The following ANKRD13C variants were observed in gnomAD, a reference collection of about 807,000 sequenced individuals.
ANKRD13C encodes the protein ankyrin repeat domain-containing protein 13C.
Under a neutral mutation model 65.5 loss-of-function variants are expected in ANKRD13C, and 16 were observed. That is an observed-to-expected ratio of 0.24 (90% CI 0.17 to 0.37). The LOEUF is 0.37. Among genes scored for constraint, ANKRD13C ranks in the 10% least tolerant of loss-of-function variants. The pLI, the probability that ANKRD13C is intolerant of heterozygous loss-of-function variation, is 1.00. For synonymous variants in ANKRD13C, 235 were observed against 238.7 expected, an observed-to-expected ratio of 0.98 and a Z score of 0.14; for missense variants, 503 against 655.9, an observed-to-expected ratio of 0.77 and a Z score of 2.55.
At chr1:70,339,812 TTTA>T (rs146940723) in intron 1 of ANKRD13C, among the ~76,000 whole-genome samples, 38,074 of 133,304 alleles carry the variant, frequency 0.29, 5,476 homozygotes, top group Non-Finnish European at 0.3. Context: ...GATCAGTACG[TTTA>T]TTATTATTAT....
chr1:70,285,704 C>T (rs1358637129), intron 9 of ANKRD13C, among the ~76,000 whole-genome samples: 6 of 148,838 alleles, frequency 4.0e-5, no homozygotes, highest in Admixed American at 6.7e-5. Context: ...GATCTCAGCT[C>T]ACTGCAACCT....
At position 70,354,483 on chromosome 1, in the gene ANKRD13C, G is replaced by A. The variant is rs1329715388; in HGVS notation, c.-75C>T. On this transcript the variant is annotated 5_prime_UTR_variant, in exon 1 of 13. Coordinates refer to ENST00000370944, the MANE Select transcript of ANKRD13C (RefSeq NM_030816.5). ...CGGAGCTGGCGCTGCGGCGGCACAA[G>A]GCGATTAGAGCGGTGGCCAAGAGCC... The A allele has an allele frequency of 4.6e-6, 7 of 1,510,252 alleles. No individual in the cohort carries two copies. Among genetic ancestry groups the A allele is most frequent in the Non-Finnish European group, 6.2e-6 (7 of 1,132,302 alleles). 93.6% of individuals were successfully genotyped at this position (1,510,252 alleles called of 1,614,324 possible). A position where few individuals can be genotyped will look rare whatever the true frequency, so the allele number is the denominator to read the frequency against.
At chr1:70,350,573 G>A (rs1386168225) in intron 1 of ANKRD13C, among the ~76,000 whole-genome samples, 1 of 152,150 alleles carries the variant, frequency 6.6e-6, no homozygotes, top group Non-Finnish European at 1.5e-5. Context: ...AAAAACCTGA[G>A]CTGTCCAATG....
rs1365495830 is a variant in ANKRD13C at position 70,300,917 on chromosome 1, C to A, written c.777-9G>T. 1 of 1,603,178 alleles carries A rather than the reference C, an allele frequency of 6.2e-7. No homozygotes were observed. Among genetic ancestry groups the A allele is most frequent in the East Asian group, 2.2e-5 (1 of 44,582 alleles). On this transcript the variant is annotated splice_polypyrimidine_tract_variant and intron_variant, in intron 6 of 12. Transcript: ENST00000370944. The stretch of plus-strand genomic sequence containing the variant: ...TGAGAGTTGTGTCAAGCCTGTGAAA[C>A]ATGGGTAGATGATAAACTCTGACAA...
intron 8 of ANKRD13C, 84 bp downstream of exon 8, chr1:70,296,046 A>T: frequency 6.7e-7 from 1 of 1,492,020 alleles, no homozygotes; most frequent in Non-Finnish European, 9.0e-7. Context: ...TCTGTAAGCT[A>T]CTTCTTGCAT....
chr1:70,315,706 T>C, intron 3 of ANKRD13C, 140 bp from the exon 4 acceptor site: 6 of 554,420 alleles, frequency 1.1e-5, no homozygotes, highest in African/African-American at 1.9e-5. Context: ...TATGTGTGTA[T>C]CTACATCTAC....
chr1:70,262,265 T>C lies in ANKRD13C; in HGVS notation c.*452A>G, dbSNP rs1304050298. ...AAAACAAAGCTCGAAGGAATATTTA[T>C]AAATGTCACCTTGCATAAAGATGAC... On this transcript the variant is annotated 3_prime_UTR_variant, in exon 13 of 13. Transcript: ENST00000370944. 6.5e-6 allele frequency: 1 copy of C among 152,710 alleles called. No individual in the cohort carries two copies. Among genetic ancestry groups the C allele is most frequent in the African/African-American group, 2.4e-5 (1 of 41,454 alleles). The allele number at this position is 152,710 out of a possible 1,614,324, so 9.5% of individuals were successfully genotyped here.
At chr1:70,295,259 A>G (rs1558279310) in intron 8 of ANKRD13C, among the ~76,000 whole-genome samples, 1 of 151,004 alleles carries the variant, frequency 6.6e-6, no homozygotes, top group Non-Finnish European at 1.5e-5. Context: ...TTATTTATTT[A>G]TTTTTTTTGA....
chr1:70,315,029 A>G (rs1372305376), intron 4 of ANKRD13C, among the ~76,000 whole-genome samples: 4 of 152,202 alleles, frequency 2.6e-5, no homozygotes, highest in African/African-American at 9.6e-5. Context: ...GCTTGAGCTC[A>G]GGAGTTTGAT....
At chr1:70,301,911 T>C (rs1680373124) in intron 6 of ANKRD13C, among the ~76,000 whole-genome samples, 1 of 152,156 alleles carries the variant, frequency 6.6e-6, no homozygotes, top group Non-Finnish European at 1.5e-5. Flanking sequence ...AAGAAACTGG[T>C]TGGCCCTGCT....
At chr1:70,297,981 C>T (rs1010510798) in intron 7 of ANKRD13C, among the ~76,000 whole-genome samples, 1 of 150,864 alleles carries the variant, frequency 6.6e-6, no homozygotes, top group African/African-American at 2.4e-5. Context: ...TGGGACAGTA[C>T]CATTTCCTCT....
At chr1:70,290,210 G>A (rs1164157735) in intron 9 of ANKRD13C, among the ~76,000 whole-genome samples, 1 of 151,972 alleles carries the variant, frequency 6.6e-6, no homozygotes. Flanking sequence ...CTCAATATAT[G>A]ATCTTTCTAA....
At chr1:70,272,299 C>T (rs1423733974) in intron 11 of ANKRD13C, among the ~76,000 whole-genome samples, 1 of 151,274 alleles carries the variant, frequency 6.6e-6, no homozygotes, top group Admixed American at 6.6e-5. Flanking sequence ...GATGTCGGCT[C>T]AACGCAAACT....
chr1:70,322,056 T>C (rs573324224), intron 3 of ANKRD13C, among the ~76,000 whole-genome samples: 18 of 152,306 alleles, frequency 1.2e-4, no homozygotes, highest in Non-Finnish European at 2.6e-4. Flanking sequence ...GGCTCACGCC[T>C]GTAATCCCAG....
chr1:70,309,943 A>C (rs2101435886), intron 5 of ANKRD13C, among the ~76,000 whole-genome samples: 1 of 152,202 alleles, frequency 6.6e-6, no homozygotes, highest in South Asian at 2.1e-4. Flanking sequence ...TTTCATATAC[A>C]CCAAAAGAAA....
At chr1:70,272,345 C>T (rs902865307) in intron 11 of ANKRD13C, among the ~76,000 whole-genome samples, 5 of 151,770 alleles carry the variant, frequency 3.3e-5, no homozygotes, top group Non-Finnish European at 5.9e-5. Flanking sequence ...CTCAGCCTCC[C>T]GAGTAGCTGG....
At chr1:70,283,945 A>G (rs1165888518) in intron 9 of ANKRD13C, among the ~76,000 whole-genome samples, 35 of 152,230 alleles carry the variant, frequency 2.3e-4, no homozygotes, top group Admixed American at 2.3e-3. Flanking sequence ...TACTCCAATG[A>G]TAACTGGTTA....
At chr1:70,287,595 A>G (rs994419292) in intron 9 of ANKRD13C, among the ~76,000 whole-genome samples, 24 of 152,218 alleles carry the variant, frequency 1.6e-4, no homozygotes, top group African/African-American at 5.8e-4. Context: ...GATGTCATCA[A>G]AATGATAAAC....
At chr1:70,296,405 C>T in intron 7 of ANKRD13C, 144 bp from the exon 8 acceptor site, 1 of 781,674 alleles carries the variant, frequency 1.3e-6, no homozygotes, top group East Asian at 2.7e-5. Flanking sequence ...GTGTTACTTA[C>T]TCTAAAAAGA....
Sources: allele counts gnomAD v4.1 joint callset (sites outside exome capture counted in the v4.1 genomes callset), GRCh38; gene constraint gnomAD v4.1.1; transcripts MANE v1.5; gene names NCBI Gene and HGNC (gene_info 2026-07-23, HGNC 2026-07-21).